Variants in NDUFA10 observed in about 807,000 individuals in gnomAD.
The protein encoded by NDUFA10 is NADH dehydrogenase [ubiquinone] 1 alpha subcomplex subunit 10, mitochondrial.
In NDUFA10, 40 loss-of-function variants were observed where a neutral mutation model predicts 47.8. That is an observed-to-expected ratio of 0.84 (90% CI 0.65 to 1.09). The LOEUF (loss-of-function observed/expected upper bound fraction) is 1.09, where lower values mean the gene tolerates loss of function less well. NDUFA10 is among the 50% of genes least tolerant of loss of function. The pLI, the probability that NDUFA10 is intolerant of heterozygous loss-of-function variation, is 0.00. For synonymous variants in NDUFA10, 183 were observed against 172.2 expected (o/e 1.06, Z -0.49); for missense variants, 413 against 451.1 (o/e 0.92, Z 0.76).
In NDUFA10 at chr2:240,015,363, A is replaced by G. The variant is rs1234971930; in HGVS notation, c.548-503T>C. On this transcript the variant is annotated intron_variant, in intron 4 of 9. Coordinates refer to ENST00000252711, the MANE Select transcript of NDUFA10 (RefSeq NM_004544.4). ...TGCAGTATATATGTTGCAGGTATAT[A>G]GTATACATGCTACTATATTTCTTCA... Among the ~76,000 whole-genome samples, 5 of 152,380 alleles carry G rather than the reference A, an allele frequency of 3.3e-5. No individual in the cohort carries two copies. In the South Asian group the frequency reaches 1.0e-3, roughly 32 times the overall value.
At chr2:240,019,101 C>T (rs542332251) in intron 3 of NDUFA10, among the ~76,000 whole-genome samples, 1 of 152,290 alleles carries the variant, frequency 6.6e-6, no homozygotes, top group African/African-American at 2.4e-5. Context: ...GGGTCCCCAG[C>T]CAGCCTCCTT....
Position 240,021,256 on chromosome 2 carries a change from C to T in NDUFA10, c.401G>A (p.Trp134Ter), listed in dbSNP as rs765774555. 1.2e-6 allele frequency: 2 copies of T among 1,614,104 alleles called. No individual in the cohort carries two copies. The change falls in exon 3 of 10, where the codon TGG (tryptophan) becomes TAG (stop). Residue 134 changes from tryptophan to a stop codon, truncating the protein, a stop_gained. Transcript: ENST00000252711. LOFTEE classifies it high-confidence loss of function. ...CTGCAGCAGGCGACTGCTGTACAAC[C>T]AGGACTGCAGGCGGTAACTGTTGCC... The part of the protein sequence containing the change: ...NDGNSYRLQS[W>*]LYSSRLLQYS...
At chr2:239,918,404 C>T (rs2106366390) in intron 4 of NDUFA10, among the ~76,000 whole-genome samples, 1 of 152,018 alleles carries the variant, frequency 6.6e-6, no homozygotes, top group Middle Eastern at 3.4e-3. Context: ...TCCTCAGGTG[C>T]CCCCGCACGC....
At chr2:239,967,434 A>C (rs1428543894) in intron 9 of NDUFA10, among the ~76,000 whole-genome samples, 6 of 152,156 alleles carry the variant, frequency 3.9e-5, no homozygotes, top group African/African-American at 1.4e-4. Context: ...CACAGAGCTG[A>C]GCGGCTGTGA....
intron 4 of NDUFA10, among the ~76,000 whole-genome samples, chr2:239,951,402 G>A (rs114066345): frequency 0.011 from 1,678 of 152,346 alleles, 34 homozygotes; most frequent in African/African-American, 0.037. Context: ...AGATTGGGAA[G>A]AAAGTGGGGC....
intron 8 of NDUFA10, among the ~76,000 whole-genome samples, chr2:239,996,816 T>C (rs1696499683): frequency 6.6e-6 from 1 of 152,038 alleles, no homozygotes; most frequent in African/African-American, 2.4e-5. Context: ...TGCCTTTTTT[T>C]TTTTTTAACT....
downstream of NDUFA10, among the ~76,000 whole-genome samples, chr2:239,953,895 G>A (rs940264874): frequency 8.5e-5 from 13 of 152,190 alleles, no homozygotes; most frequent in Non-Finnish European, 1.8e-4. Flanking sequence ...GGTGGAGGAC[G>A]CCCCCGCCGC....
chr2:239,896,649 A>G (rs926248247), intron 4 of NDUFA10, among the ~76,000 whole-genome samples: 2 of 152,226 alleles, frequency 1.3e-5, no homozygotes, highest in Non-Finnish European at 2.9e-5. Context: ...ATAATTAGGG[A>G]AACTTGGATA....
At chr2:240,018,287 C>A in intron 4 of NDUFA10, 1 of 925,724 alleles carries the variant, frequency 1.1e-6, no homozygotes, top group Non-Finnish European at 1.6e-6. Context: ...GTGGGGGCTG[C>A]ACTTTAAGCT....
chr2:239,993,846 T>C (rs989354623), intron 8 of NDUFA10, among the ~76,000 whole-genome samples: 4 of 152,044 alleles, frequency 2.6e-5, no homozygotes, highest in African/African-American at 9.7e-5. Flanking sequence ...GGATTATGGT[T>C]GACAGAGGAG....
intron 4 of NDUFA10, among the ~76,000 whole-genome samples, chr2:239,922,589 C>G (rs74002006): frequency 0.045 from 6,908 of 152,336 alleles, 437 homozygotes; most frequent in African/African-American, 0.15. Flanking sequence ...AAATCAGAGG[C>G]TGGGCATTGC....
intron 8 of NDUFA10, among the ~76,000 whole-genome samples, chr2:240,002,372 T>A: frequency 6.8e-6 from 1 of 147,504 alleles, no homozygotes; most frequent in Non-Finnish European, 1.5e-5. Flanking sequence ...GGAAAGCGGG[T>A]TTTGTTGTTT....
chr2:240,001,100 A>G (rs1696694248), intron 8 of NDUFA10, among the ~76,000 whole-genome samples: 1 of 152,240 alleles, frequency 6.6e-6, no homozygotes, highest in South Asian at 2.1e-4. Context: ...GCTTACAACA[A>G]TCAACTGCAC....
intron 4 of NDUFA10, among the ~76,000 whole-genome samples, chr2:239,947,879 G>C (rs570017639): frequency 6.6e-6 from 1 of 152,354 alleles, no homozygotes; most frequent in South Asian, 2.1e-4. Flanking sequence ...AACTTGTTCA[G>C]ACTTTCAGGA....
chr2:239,985,967 A>C (rs1695984555), intron 9 of NDUFA10, among the ~76,000 whole-genome samples: 1 of 152,018 alleles, frequency 6.6e-6, no homozygotes, highest in African/African-American at 2.4e-5. Context: ...CCAAAGGCTC[A>C]AAGAGTGTTA....
intron 8 of NDUFA10, among the ~76,000 whole-genome samples, chr2:239,992,410 A>C (rs74937980): frequency 1.6e-3 from 240 of 152,370 alleles, no homozygotes; most frequent in African/African-American, 5.4e-3. Flanking sequence ...TTTCCCAATT[A>C]ACTGAATGTC....
chr2:239,962,644 C>T (rs1008673404), intron 9 of NDUFA10, among the ~76,000 whole-genome samples: 3 of 152,170 alleles, frequency 2.0e-5, no homozygotes, highest in South Asian at 2.1e-4. Context: ...AAGACATACC[C>T]GGGGCTGAGA....
chr2:239,901,787 T>G (rs556790668), intron 4 of NDUFA10, among the ~76,000 whole-genome samples: 3 of 151,530 alleles, frequency 2.0e-5, no homozygotes, highest in African/African-American at 7.3e-5. Flanking sequence ...AGTCAAAATG[T>G]CAACATTAAC....
intron 4 of NDUFA10, 132 bp from the exon 5 acceptor site, chr2:240,014,992 C>G (rs1260793512): frequency 7.4e-7 from 1 of 1,344,182 alleles, no homozygotes; most frequent in Non-Finnish European, 1.0e-6. Flanking sequence ...CAAACCCTAT[C>G]TCGGTCACAG....
Sources: allele counts gnomAD v4.1 joint callset (sites outside exome capture counted in the v4.1 genomes callset), GRCh38; gene constraint gnomAD v4.1.1; transcripts MANE v1.5; gene names NCBI Gene and HGNC (gene_info 2026-07-23, HGNC 2026-07-21).